The following G3BP2 variants were observed in gnomAD, a reference collection of about 807,000 sequenced individuals.
The protein encoded by G3BP2 is G3BP stress granule assembly factor 2, also known as ras GTPase-activating protein-binding protein 2.
Under a neutral mutation model 56.7 loss-of-function variants are expected in G3BP2, and 11 were observed. The ratio of observed to expected loss-of-function variants is 0.19; its 90% confidence interval spans 0.12 to 0.32. The LOEUF (loss-of-function observed/expected upper bound fraction) is 0.32. Ranked by LOEUF, G3BP2 falls within the 10% of genes least tolerant of loss-of-function variation. G3BP2 has a pLI of 1.00. For synonymous variants in G3BP2, 165 were observed against 191.6 expected, an observed-to-expected ratio of 0.86 and a Z score of 1.15; for missense variants, 340 against 610.9, an observed-to-expected ratio of 0.56 and a Z score of 4.67.
rs2148941879 is a variant in G3BP2, at chr4:75,646,457, C to T, written c.1058-1G>A. On this transcript the variant is annotated splice_acceptor_variant, in intron 10 of 11. Transcript: ENST00000359707. LOFTEE classifies it high-confidence loss of function. ...CGAAGTTCCACAACGTTTCCAAAAC[C>T]TGTGAAAATATACATTACATCAAGG... 2.6e-6 allele frequency: 4 copies of T among 1,529,872 alleles called. No homozygotes were observed. The highest frequency in any genetic ancestry group is 2.7e-6 in the Non-Finnish European group (3 of 1,103,732). 94.8% of individuals were successfully genotyped at this position (1,529,872 alleles called of 1,614,324 possible).
intron 3 of G3BP2, among the ~76,000 whole-genome samples, chr4:75,680,571 A>G (rs1734032932): frequency 1.3e-5 from 2 of 152,212 alleles, no homozygotes; most frequent in South Asian, 4.1e-4. Flanking sequence ...ACCCCAACAC[A>G]GTGCCACGCA....
chr4:75,702,779 A>C (rs193251082), intron 3 of G3BP2, among the ~76,000 whole-genome samples: 38 of 152,354 alleles, frequency 2.5e-4, no homozygotes, highest in African/African-American at 8.4e-4. Context: ...TTGGCAAGGG[A>C]CATGAAAGAG....
At chr4:75,712,868 A>T (rs926643871) in intron 3 of G3BP2, among the ~76,000 whole-genome samples, 1 of 152,174 alleles carries the variant, frequency 6.6e-6, no homozygotes, top group South Asian at 2.1e-4. Flanking sequence ...TTAGTTATAT[A>T]GCTGAAGGGA....
chr4:75,665,814 G>A (rs1189612278), intron 1 of G3BP2, among the ~76,000 whole-genome samples: 1 of 152,088 alleles, frequency 6.6e-6, no homozygotes, highest in Non-Finnish European at 1.5e-5. Flanking sequence ...AAAACTGATG[G>A]TAAAATAATA....
intron 3 of G3BP2, among the ~76,000 whole-genome samples, chr4:75,698,100 T>C (rs1719196972): frequency 6.6e-6 from 1 of 152,222 alleles, no homozygotes; most frequent in South Asian, 2.1e-4. Flanking sequence ...TATATTTCCT[T>C]ACAGAACAAA....
chr4:75,698,855 C>T (rs969497974), intron 3 of G3BP2, among the ~76,000 whole-genome samples: 2 of 152,082 alleles, frequency 1.3e-5, no homozygotes, highest in Non-Finnish European at 2.9e-5. Context: ...GCCACCACAC[C>T]TGGCTAATTT....
intron 1 of G3BP2, among the ~76,000 whole-genome samples, chr4:75,723,591 T>C (rs1021922138): frequency 6.6e-6 from 1 of 152,234 alleles, no homozygotes; most frequent in Non-Finnish European, 1.5e-5. Context: ...TCTTCCCAGC[T>C]TCCTCTGTCT....
intron 3 of G3BP2, among the ~76,000 whole-genome samples, chr4:75,685,943 TAAGG>T (rs1350908110): frequency 3.3e-5 from 5 of 151,996 alleles, no homozygotes; most frequent in African/African-American, 9.7e-5. Context: ...AATATGGAGT[TAAGG>T]AAGGAGAGAA....
intron 3 of G3BP2, among the ~76,000 whole-genome samples, chr4:75,705,221 C>T (rs912342212): frequency 6.6e-6 from 1 of 152,220 alleles, no homozygotes; most frequent in South Asian, 2.1e-4. Flanking sequence ...ACTGCCTGAC[C>T]TCCCAGCATT....
intron 2 of G3BP2, among the ~76,000 whole-genome samples, chr4:75,659,591 T>C (rs1732386676): frequency 6.6e-6 from 1 of 152,216 alleles, no homozygotes; most frequent in Non-Finnish European, 1.5e-5. Context: ...TTTTTCACAA[T>C]GAAAACACAA....
At position 75,655,851 on chromosome 4, in the gene G3BP2, T is replaced by A; in HGVS notation, c.462A>T (p.Glu154Asp). The change falls in exon 6 of 12, where the codon GAA (glutamate) becomes GAT (aspartate). Residue 154 changes from glutamate to aspartate, a missense_variant. Around this residue, in one of 4 missense-constraint regions of G3BP2, gnomAD observed 224 missense variants for 332.5 expected, o/e 0.67. Transcript: ENST00000359707. ...ELDEESEDEV[E>D]EEQEERQPSP... The stretch of plus-strand genomic sequence containing the variant: ...ATGGTTGTCTTTCTTCTTGTTCCTC[T>A]TCTACTTCATCTTCTGATTCTGAAA... The A allele has an allele frequency of 6.4e-7, 1 of 1,569,060 alleles. No individual in the cohort carries two copies. The highest frequency in any genetic ancestry group is 1.3e-5 in the African/African-American group (1 of 74,188).
chr4:75,721,990 C>T (rs772784088), intron 2 of G3BP2, among the ~76,000 whole-genome samples: 4 of 152,020 alleles, frequency 2.6e-5, no homozygotes, highest in African/African-American at 4.8e-5. Flanking sequence ...TTTTCTCTTC[C>T]TTTATTAACT....
At chr4:75,655,696 T>C (rs1732042489) in intron 6 of G3BP2, 72 bp downstream of exon 6, 1 of 787,316 alleles carries the variant, frequency 1.3e-6, no homozygotes, top group Non-Finnish European at 2.2e-6. Flanking sequence ...CTTTCAACAA[T>C]AATTCTAGGA....
In G3BP2 at chr4:75,646,949, T is replaced by A. The variant is rs1433658021; in HGVS notation, c.1057+80A>T. Reference sequence around the variant, plus strand: ...TAAAGAGAGAAACATTTAAAAAAAATAGTTATTAAAAAAGCTCCATATGCC... The same window carrying A: ...TAAAGAGAGAAACATTTAAAAAAAAAAGTTATTAAAAAAGCTCCATATGCC... On this transcript the variant is annotated intron_variant, in intron 10 of 11. Coordinates refer to ENST00000359707, the MANE Select transcript of G3BP2 (RefSeq NM_203505.3). 18 of 817,882 alleles carry A rather than the reference T, an allele frequency of 2.2e-5. No homozygotes were observed. In the East Asian group the frequency reaches 3.3e-4, roughly 15 times the overall value. The allele number at this position is 817,882 out of a possible 1,614,324, so 50.7% of individuals were successfully genotyped here.
intron 3 of G3BP2, among the ~76,000 whole-genome samples, chr4:75,682,281 G>A (rs1024810619): frequency 2.6e-5 from 4 of 152,032 alleles, no homozygotes; most frequent in African/African-American, 9.7e-5. Flanking sequence ...TGGGTGTGGT[G>A]GCACACGCCT....
chr4:75,673,470 G>A (rs1230101892), upstream of G3BP2: 6 of 1,232,116 alleles, frequency 4.9e-6, no homozygotes, highest in South Asian at 4.1e-5. Context: ...AAGGGCCAGG[G>A]AACCCCCGAG....
intron 5 of G3BP2, 121 bp from the exon 6 acceptor site, chr4:75,655,991 T>G (rs1480098736): frequency 2.5e-5 from 15 of 597,048 alleles, no homozygotes; most frequent in Admixed American, 3.0e-5. Flanking sequence ...CAATTTTCTT[T>G]CCTTTTTTTT....
intron 7 of G3BP2, 52 bp downstream of exon 7, chr4:75,655,014 C>A: frequency 1.6e-6 from 2 of 1,226,152 alleles, no homozygotes; most frequent in East Asian, 2.3e-5. Flanking sequence ...TCATTAACAG[C>A]ACCAAATTTG....
intron 3 of G3BP2, among the ~76,000 whole-genome samples, chr4:75,711,979 A>T (rs904378973): frequency 6.6e-6 from 1 of 152,184 alleles, no homozygotes; most frequent in Non-Finnish European, 1.5e-5. Flanking sequence ...ATTATGGAAC[A>T]ATTGAAAGAA....
Sources: gnomAD v4.1 joint callset for allele counts (sites outside exome capture counted in the v4.1 genomes callset) on GRCh38, gnomAD v4.1.1 for gene constraint, gnomAD v4.1.1 regional missense constraint, MANE v1.5 for transcripts, NCBI Gene and HGNC (gene_info 2026-07-23, HGNC 2026-07-21) for gene names.